Variants in RIMS4 observed in about 807,000 individuals in gnomAD.
The protein encoded by RIMS4 is regulating synaptic membrane exocytosis 4, also known as regulating synaptic membrane exocytosis protein 4.
In RIMS4, 9 loss-of-function variants were observed where a neutral mutation model predicts 29.0. The ratio of observed to expected loss-of-function variants is 0.31; its 90% confidence interval spans 0.19 to 0.54. The LOEUF (loss-of-function observed/expected upper bound fraction) is 0.54. RIMS4 is among the 20% of genes least tolerant of loss of function. RIMS4 has a pLI of 0.94. For missense variants in RIMS4, 193 were observed against 365.7 expected (o/e 0.53, Z 3.85); for synonymous variants, 130 against 152.9 (o/e 0.85, Z 1.10).
chr20:44,794,395 T>A (rs2066245938), intron 1 of RIMS4, among the ~76,000 whole-genome samples: 1 of 152,188 alleles, frequency 6.6e-6, no homozygotes, highest in Non-Finnish European at 1.5e-5. Context: ...CAGGGTTGAG[T>A]TCGTCAACCA....
At chr20:44,801,229 G>T (rs2066276119) in intron 1 of RIMS4, among the ~76,000 whole-genome samples, 1 of 152,146 alleles carries the variant, frequency 6.6e-6, no homozygotes, top group South Asian at 2.1e-4. Flanking sequence ...TTTCCCATCA[G>T]TTTAGGACAA....
intron 2 of RIMS4, among the ~76,000 whole-genome samples, chr20:44,769,651 C>G (rs569428398): frequency 6.6e-6 from 1 of 152,232 alleles, no homozygotes; most frequent in Non-Finnish European, 1.5e-5. Context: ...CTCTCCCTTC[C>G]GCTGTCCTCC....
intron 1 of RIMS4, among the ~76,000 whole-genome samples, chr20:44,785,931 G>A (rs1461386137): frequency 6.6e-6 from 1 of 152,072 alleles, no homozygotes; most frequent in African/African-American, 2.4e-5. Context: ...TCCCAGGCCT[G>A]GAGGGTGATG....
chr20:44,793,467 C>T (rs191450359), intron 1 of RIMS4, among the ~76,000 whole-genome samples: 1 of 152,272 alleles, frequency 6.6e-6, no homozygotes, highest in Non-Finnish European at 1.5e-5. Flanking sequence ...CCAGAGGGCT[C>T]ACTCTGCACA....
intron 1 of RIMS4, among the ~76,000 whole-genome samples, chr20:44,778,201 C>A (rs1252924283): frequency 2.0e-5 from 3 of 152,220 alleles, no homozygotes; most frequent in African/African-American, 7.2e-5. Flanking sequence ...AAGCACAACC[C>A]TGATTACTTC....
At chr20:44,764,089 TCCACCCATCCATCCGTCCATCCA>T (rs2066099305) in intron 2 of RIMS4, among the ~76,000 whole-genome samples, 2 of 52,628 alleles carry the variant, frequency 3.8e-5, no homozygotes, top group Non-Finnish European at 8.9e-5. Context: ...CATCCATCCA[TCCACCCATCCATCCGTCCATCCA>T]TTTATCCATC....
At chr20:44,759,303 G>A (rs1365334677) in intron 2 of RIMS4, among the ~76,000 whole-genome samples, 1 of 151,980 alleles carries the variant, frequency 6.6e-6, no homozygotes, top group Non-Finnish European at 1.5e-5. Context: ...AGTCTGGAGT[G>A]CAGTGGCACG....
At chr20:44,799,265 T>G (rs1227782113) in intron 1 of RIMS4, among the ~76,000 whole-genome samples, 3 of 151,970 alleles carry the variant, frequency 2.0e-5, no homozygotes, top group African/African-American at 7.3e-5. Context: ...ATCATGCCAC[T>G]GCACTCTAGA....
chr20:44,795,736 G>C (rs922014896), intron 1 of RIMS4, among the ~76,000 whole-genome samples: 6 of 152,116 alleles, frequency 3.9e-5, no homozygotes, highest in Non-Finnish European at 4.4e-5. Flanking sequence ...GGTGCCATGT[G>C]AGCCATGGTA....
At chr20:44,775,894 C>A (rs1296018489) in intron 1 of RIMS4, among the ~76,000 whole-genome samples, 1 of 152,234 alleles carries the variant, frequency 6.6e-6, no homozygotes, top group Non-Finnish European at 1.5e-5. Context: ...GCTTCTATGT[C>A]ATTTGAATTT....
At chr20:44,783,459 C>G (rs938760100) in intron 1 of RIMS4, among the ~76,000 whole-genome samples, 1 of 152,066 alleles carries the variant, frequency 6.6e-6, no homozygotes, top group Non-Finnish European at 1.5e-5. Context: ...ACTGTCTCTA[C>G]TAAAAATACA....
At chr20:44,798,121 A>G (rs2066262557) in intron 1 of RIMS4, among the ~76,000 whole-genome samples, 1 of 152,218 alleles carries the variant, frequency 6.6e-6, no homozygotes, top group Non-Finnish European at 1.5e-5. Flanking sequence ...AGGCTCAAAT[A>G]TATTAAAATC....
rs1054556304 is a variant in RIMS4, at chr20:44,753,501, G to A, written c.*2633C>T. ...ATCCTGCATGTGATCTTGGCCCAGA[G>A]ATTGAAAACAGTCATCCCCTGGAGA... is the stretch of plus-strand genomic sequence containing the variant. On this transcript the variant is annotated 3_prime_UTR_variant, in exon 6 of 6. Transcript: ENST00000372851. The A allele has an allele frequency of 1.6e-4, 25 of 152,586 alleles. No homozygotes were observed. The highest frequency in any genetic ancestry group is 6.0e-4 in the African/African-American group (25 of 41,554). 9.5% of individuals were successfully genotyped at this position (152,586 alleles called of 1,614,324 possible). A position where few individuals can be genotyped will look rare whatever the true frequency, so the allele number is the denominator to read the frequency against.
intron 4 of RIMS4, among the ~76,000 whole-genome samples, chr20:44,757,253 C>T (rs1834001032): frequency 6.6e-6 from 1 of 152,020 alleles, no homozygotes; most frequent in Non-Finnish European, 1.5e-5. Context: ...TGGTGGTCCT[C>T]ACTGTCTCCA....
intron 1 of RIMS4, among the ~76,000 whole-genome samples, chr20:44,799,053 C>T (rs952706855): frequency 3.9e-5 from 6 of 152,188 alleles, no homozygotes; most frequent in African/African-American, 1.4e-4. Context: ...CTGTAATCCC[C>T]GCCCTTTGGG....
chr20:44,795,791 C>A (rs914848393), intron 1 of RIMS4, among the ~76,000 whole-genome samples: 1 of 152,056 alleles, frequency 6.6e-6, no homozygotes, highest in Non-Finnish European at 1.5e-5. Context: ...AGAAGCACCA[C>A]CAAGTGAAAA....
At chr20:44,780,589 A>T (rs760419541) in intron 1 of RIMS4, among the ~76,000 whole-genome samples, 1 of 152,188 alleles carries the variant, frequency 6.6e-6, no homozygotes, top group African/African-American at 2.4e-5. Context: ...AGCACTCATC[A>T]TTTCATGTAA....
At chr20:44,788,701 G>A (rs996144850) in intron 1 of RIMS4, among the ~76,000 whole-genome samples, 1 of 152,104 alleles carries the variant, frequency 6.6e-6, no homozygotes, top group Non-Finnish European at 1.5e-5. Context: ...ATTCAAGGCT[G>A]CAGTGAGCTA....
rs2145438952 is a variant in RIMS4 at position 44,753,125 on chromosome 20, TTGTG to T, written c.*3005_*3008del. On this transcript the variant is annotated 3_prime_UTR_variant, in exon 6 of 6. Transcript: ENST00000372851. The stretch of plus-strand genomic sequence containing the variant: ...CCCTTTGCACCCTTGCTGAGGGGTC[TTGTG>T]TGAGTCACTTCCTGTTTCTGGGCCT... The T allele has an allele frequency of 6.5e-6, 1 of 152,908 alleles. No individual in the cohort carries two copies. Among genetic ancestry groups the T allele is most frequent in the East Asian group, 1.9e-4 (1 of 5,186 alleles). The allele number at this position is 152,908 out of a possible 1,614,324, so 9.5% of individuals were successfully genotyped here.
Sources: allele counts gnomAD v4.1 joint callset (sites outside exome capture counted in the v4.1 genomes callset), GRCh38; gene constraint gnomAD v4.1.1; transcripts MANE v1.5; gene names NCBI Gene and HGNC (gene_info 2026-07-23, HGNC 2026-07-21).